The following DYSF variants were observed in gnomAD, a reference collection of about 807,000 sequenced individuals.
DYSF encodes the protein dystrophy-associated fer-1-like 1.
Under a neutral mutation model 274.9 loss-of-function variants are expected in DYSF, and 212 were observed. The observed-to-expected ratio is 0.77, with a 90% CI of 0.69 to 0.86. DYSF has a LOEUF of 0.86. Ranked by LOEUF, DYSF falls within the 40% of genes least tolerant of loss-of-function variation. The probability of loss-of-function intolerance (pLI) is 0.00; values close to 1 mark genes in which losing one functional copy is unlikely to be tolerated. For synonymous variants in DYSF, 1,091 were observed against 1,078.7 expected (o/e 1.01, Z -0.22); for missense variants, 2,666 against 2,783.2 (o/e 0.96, Z 0.95).
At chr2:71,520,492 A>G (rs1350327296) in intron 11 of DYSF, among the ~76,000 whole-genome samples, 1 of 152,220 alleles carries the variant, frequency 6.6e-6, no homozygotes, top group African/African-American at 2.4e-5. Context: ...CATTTGGGTG[A>G]CAAGCCAGGA....
intron 41 of DYSF, among the ~76,000 whole-genome samples, chr2:71,633,115 G>T (rs1211541438): frequency 6.6e-6 from 1 of 152,190 alleles, no homozygotes; most frequent in East Asian, 1.9e-4. Flanking sequence ...TGTTCCACTT[G>T]TAGAAATAAT....
intron 27 of DYSF, 28 bp from the exon 28 acceptor site, chr2:71,570,201 T>C: frequency 1.3e-6 from 2 of 1,598,680 alleles, no homozygotes; most frequent in African/African-American, 1.3e-5. Flanking sequence ...TCTCCTCTCA[T>C]TGCTTGCCTG....
rs1381692492 is a variant in DYSF, at chr2:71,564,298, C to T, written c.2565+85C>T. The T allele has an allele frequency of 2.6e-6, 4 of 1,555,326 alleles. No homozygotes were observed. In the African/African-American group the frequency reaches 5.4e-5, roughly 21 times the overall value. On this transcript the variant is annotated intron_variant, in intron 24 of 55. Coordinates refer to ENST00000410020, the MANE Select transcript of DYSF (RefSeq NM_001130987.2). ...CATCTCTTCTGTTTCCCCTCCTGTT[C>T]TTGACCTATCTTAGTTCTTAGGCTG... is the stretch of plus-strand genomic sequence containing the variant.
chr2:71,490,571 C>T (rs899954667), intron 3 of DYSF, among the ~76,000 whole-genome samples: 2 of 152,230 alleles, frequency 1.3e-5, no homozygotes, highest in Non-Finnish European at 1.5e-5. Flanking sequence ...AGGTGATCCG[C>T]CTGCCTCGGC....
chr2:71,484,638 C>G (rs1225829320), intron 3 of DYSF, among the ~76,000 whole-genome samples: 1 of 152,138 alleles, frequency 6.6e-6, no homozygotes, highest in Non-Finnish European at 1.5e-5. Flanking sequence ...TTTTTGTATC[C>G]ATTGACCACC....
At chr2:71,456,742 C>A (rs904448094) in intron 1 of DYSF, among the ~76,000 whole-genome samples, 2 of 152,138 alleles carry the variant, frequency 1.3e-5, no homozygotes. Context: ...AGTGAAGGAG[C>A]CTGGCCAAGG....
chr2:71,647,403 A>C (rs1231377331), intron 42 of DYSF, among the ~76,000 whole-genome samples: 1 of 152,262 alleles, frequency 6.6e-6, no homozygotes, highest in African/African-American at 2.4e-5. Flanking sequence ...AAAATGAGAA[A>C]TTAATAACAA....
chr2:71,478,759 A>C (rs897011288), intron 1 of DYSF, among the ~76,000 whole-genome samples: 1 of 152,110 alleles, frequency 6.6e-6, no homozygotes, highest in African/African-American at 2.4e-5. Flanking sequence ...TAATTCCCTT[A>C]GAATCTCCCT....
At position 71,658,980 on chromosome 2, in the gene DYSF, C is replaced by T. The variant is rs752946123; in HGVS notation, c.4858C>T (p.Arg1620Cys). ...AAQGPQECLV[R>C]IYIVRAFGLQ... ...CCAGGGACCCCAGGAGTGCTTGGTC[C>T]GTATCTACATTGTCCGAGCATTTGG... Residue 1620 changes from arginine to cysteine, a missense_variant, in exon 44 of 56, where the codon CGT becomes TGT. Arg to Cys is a radical substitution (Grantham distance 180). This residue lies in a region of DYSF where 1,460 missense variants were observed against 1,502.1 expected (regional missense o/e 0.97). Coordinates refer to ENST00000410020, the MANE Select transcript of DYSF (RefSeq NM_001130987.2). 91 of 1,614,056 alleles carry T rather than the reference C, an allele frequency of 5.6e-5. No homozygotes were observed. The highest frequency in any genetic ancestry group is 4.5e-5 in the East Asian group (2 of 44,894).
At chr2:71,679,267 G>C (rs192746276) in intron 53 of DYSF, 32 bp downstream of exon 53, 590 of 1,601,972 alleles carry the variant, frequency 3.7e-4, no homozygotes, top group Non-Finnish European at 4.8e-4. Context: ...CCAGTGGAGG[G>C]CATGGGGGAA....
chr2:71,486,433 T>C (rs1345047567), intron 3 of DYSF, among the ~76,000 whole-genome samples: 1 of 152,056 alleles, frequency 6.6e-6, no homozygotes, highest in Non-Finnish European at 1.5e-5. Flanking sequence ...CTTTCTCTCC[T>C]CCTTCTCTTG....
At chr2:71,552,310 T>A (rs2091005307) in intron 19 of DYSF, among the ~76,000 whole-genome samples, 1 of 152,202 alleles carries the variant, frequency 6.6e-6, no homozygotes. Context: ...AGTTTCCCTA[T>A]CTGGAAAGTG....
At chr2:71,682,730 G>A in intron 55 of DYSF, 53 bp downstream of exon 55, 1 of 1,578,142 alleles carries the variant, frequency 6.3e-7, no homozygotes, top group Non-Finnish European at 8.6e-7. Context: ...TAATGGGGGA[G>A]TTCATCATTG....
chr2:71,523,537 A>T (rs376547798), intron 12 of DYSF, among the ~76,000 whole-genome samples: 8 of 137,798 alleles, frequency 5.8e-5, no homozygotes, highest in African/African-American at 2.2e-4. Context: ...CCTTATCACC[A>T]GTCATCTTTT....
chr2:71,529,175 A>G lies in DYSF; in HGVS notation c.1380+774A>G, dbSNP rs572985058. ...CTGTCTTAACCAGGTACAACCATCAAAGGCAGAAAATGTGGACCTGCCTTG... is the reference window on the plus strand; with the variant it reads ...CTGTCTTAACCAGGTACAACCATCAGAGGCAGAAAATGTGGACCTGCCTTG... On this transcript the variant is annotated intron_variant, in intron 14 of 55. Transcript: ENST00000410020. Among the ~76,000 whole-genome samples the G allele has an allele frequency of 6.6e-5, 10 of 152,200 alleles. No individual in the cohort carries two copies. In the East Asian group the frequency reaches 1.9e-3, roughly 29 times the overall value.
At chr2:71,605,057 T>C (rs1442412270) in intron 36 of DYSF, among the ~76,000 whole-genome samples, 1 of 152,228 alleles carries the variant, frequency 6.6e-6, no homozygotes, top group Non-Finnish European at 1.5e-5. Context: ...GCTTTGATGA[T>C]GTCCGGGAGA....
chr2:71,619,738 G>A (rs1023733461), intron 40 of DYSF, among the ~76,000 whole-genome samples: 1 of 152,120 alleles, frequency 6.6e-6, no homozygotes, highest in African/African-American at 2.4e-5. Flanking sequence ...TGCCTAGCAT[G>A]CGTCTTCTCA....
At chr2:71,585,883 G>A (rs2093049802) in intron 30 of DYSF, among the ~76,000 whole-genome samples, 1 of 152,146 alleles carries the variant, frequency 6.6e-6, no homozygotes, top group South Asian at 2.1e-4. Context: ...TGCCCAGGAG[G>A]GGTACCTAAC....
chr2:71,534,103 G>A (rs945919599), intron 14 of DYSF, among the ~76,000 whole-genome samples: 2 of 152,210 alleles, frequency 1.3e-5, no homozygotes, highest in African/African-American at 4.8e-5. Flanking sequence ...GGCCAGCACT[G>A]GGTGGACCAG....
Sources: gnomAD v4.1 joint callset for allele counts (sites outside exome capture counted in the v4.1 genomes callset) on GRCh38, gnomAD v4.1.1 for gene constraint, gnomAD v4.1.1 regional missense constraint, MANE v1.5 for transcripts, NCBI Gene and HGNC (gene_info 2026-07-23, HGNC 2026-07-21) for gene names.